GNG4: variants seen among roughly 807,000 people sequenced by gnomAD.
GNG4 encodes G protein subunit gamma 4.
In GNG4, 4 loss-of-function variants were observed where a neutral mutation model predicts 5.8. The ratio of observed to expected loss-of-function variants is 0.69; its 90% CI spans 0.34 to 1.57. The LOEUF (loss-of-function observed/expected upper bound fraction) is 1.57, where lower values mean the gene tolerates loss of function less well. Among genes scored for constraint, GNG4 ranks in the 40% most tolerant of loss-of-function variants. The probability of loss-of-function intolerance (pLI) is 0.06; values close to 1 mark genes in which losing one functional copy is unlikely to be tolerated. For synonymous variants in GNG4, 29 were observed against 32.9 expected (o/e 0.88, Z 0.41); for missense variants, 96 against 95.1 (o/e 1.01, Z -0.04).
At chr1:235,650,383 C>G (rs1055345667), upstream of GNG4, among the ~76,000 whole-genome samples, 12 of 151,300 alleles carry the variant, frequency 7.9e-5, no homozygotes, top group African/African-American at 2.9e-4. Context: ...GGTCTGGGGA[C>G]GGGGCCGCGG....
At chr1:235,635,970 T>A (rs4659975) in intron 1 of GNG4, among the ~76,000 whole-genome samples, 87,066 of 152,012 alleles carry the variant, frequency 0.57, 25,958 homozygotes, top group East Asian at 0.85. Flanking sequence ...GGCAGAAGAC[T>A]GAAGGTAACT....
At chr1:235,630,834 C>T (rs112304558) in intron 1 of GNG4, among the ~76,000 whole-genome samples, 4,313 of 152,214 alleles carry the variant, frequency 0.028, 207 homozygotes, top group African/African-American at 0.095. Flanking sequence ...CTAAACCCAA[C>T]TCAATGTCAA....
At chr1:235,555,977 C>T (rs963800199) in intron 3 of GNG4, among the ~76,000 whole-genome samples, 1 of 151,980 alleles carries the variant, frequency 6.6e-6, no homozygotes, top group African/African-American at 2.4e-5. Context: ...AAACAGTTTT[C>T]CTGCCTCAGC....
At chr1:235,606,097 A>G (rs972217354) in intron 1 of GNG4, among the ~76,000 whole-genome samples, 6 of 151,884 alleles carry the variant, frequency 4.0e-5, no homozygotes, top group African/African-American at 1.5e-4. Flanking sequence ...GGTCACTTCA[A>G]CCTAGTGTGG....
At chr1:235,565,156 C>T (rs532073853) in intron 3 of GNG4, among the ~76,000 whole-genome samples, 13 of 152,188 alleles carry the variant, frequency 8.5e-5, no homozygotes, top group African/African-American at 2.6e-4. Flanking sequence ...ATGGTGCTGG[C>T]AAGAATCCTG....
chr1:235,585,392 G>A (rs1191034260), intron 2 of GNG4, among the ~76,000 whole-genome samples: 2 of 152,074 alleles, frequency 1.3e-5, no homozygotes, highest in East Asian at 1.9e-4. Flanking sequence ...GGTGTGTGCC[G>A]CCATGCCTGG....
chr1:235,570,162 G>A (rs935930954), intron 3 of GNG4, among the ~76,000 whole-genome samples: 1 of 152,200 alleles, frequency 6.6e-6, no homozygotes, highest in South Asian at 2.1e-4. Context: ...ATACAAATGT[G>A]AGAATGCTCT....
At position 235,603,564 on chromosome 1, in the gene GNG4, C is replaced by T. The variant is rs112152054; in HGVS notation, c.-122-8053G>A. 2.6e-3 allele frequency among the ~76,000 whole-genome samples: 392 copies of T among 152,168 alleles called. 1 individual carries two copies. Among genetic ancestry groups the T allele is most frequent in the African/African-American group, 9.0e-3 (373 of 41,534 alleles). ...GCAGGGGGATGACTCTTCCCCACTC[C>T]GACTTCAACCACTTTGCAAATTAAG... On this transcript the variant is annotated intron_variant, in intron 1 of 3. Transcript: ENST00000391854.
At chr1:235,638,095 T>C (rs1657184204) in intron 1 of GNG4, among the ~76,000 whole-genome samples, 1 of 152,238 alleles carries the variant, frequency 6.6e-6, no homozygotes, top group Admixed American at 6.5e-5. Flanking sequence ...CCCCAGCTGC[T>C]GGACTGCTGT....
intron 1 of GNG4, among the ~76,000 whole-genome samples, chr1:235,636,275 T>C (rs895190007): frequency 2.6e-5 from 4 of 152,228 alleles, no homozygotes; most frequent in African/African-American, 9.6e-5. Context: ...TGCTTTTTAC[T>C]TCCAAAGCGG....
intron 1 of GNG4, among the ~76,000 whole-genome samples, chr1:235,621,060 C>T (rs11800419): frequency 0.051 from 7,795 of 152,000 alleles, 401 homozygotes; most frequent in African/African-American, 0.14. Context: ...CCTGTCCTTG[C>T]TCCTACAGGT....
chr1:235,597,624 G>A (rs1156720177), intron 1 of GNG4, among the ~76,000 whole-genome samples: 32 of 91,042 alleles, frequency 3.5e-4, no homozygotes, highest in Non-Finnish European at 4.2e-4. Flanking sequence ...GTGTGTGTGT[G>A]TGTGTATTTT....
At chr1:235,628,646 G>A (rs1391476581) in intron 1 of GNG4, among the ~76,000 whole-genome samples, 1 of 152,152 alleles carries the variant, frequency 6.6e-6, no homozygotes, top group Non-Finnish European at 1.5e-5. Context: ...ACCCAAGCAG[G>A]CCAAACAGGC....
At chr1:235,612,511 A>G (rs1043265299) in intron 1 of GNG4, among the ~76,000 whole-genome samples, 2 of 152,088 alleles carry the variant, frequency 1.3e-5, no homozygotes, top group African/African-American at 4.8e-5. Flanking sequence ...GGGCTGCTAT[A>G]ACAAAATACC....
Position 235,549,691 on chromosome 1 carries a change from G to C in GNG4, c.*2418C>G, listed in dbSNP as rs1402844299. On this transcript the variant is annotated 3_prime_UTR_variant, in exon 4 of 4. Coordinates refer to ENST00000391854, the MANE Select transcript of GNG4 (RefSeq NM_001098722.2). ...ATTAGTGAGCTGATAATGAAACTAA[G>C]AATGAGTTTTAACAAAAGAAGCAAG... is the stretch of plus-strand genomic sequence containing the variant. The C allele has an allele frequency of 6.6e-6, 1 of 152,170 alleles. No homozygotes were observed. The highest frequency in any genetic ancestry group is 1.5e-5 in the Non-Finnish European group (1 of 68,026). The allele number at this position is 152,170 out of a possible 1,614,324, so 9.4% of individuals were successfully genotyped here. A position where few individuals can be genotyped will look rare whatever the true frequency, so the allele number is the denominator to read the frequency against.
intron 1 of GNG4, among the ~76,000 whole-genome samples, chr1:235,643,414 CTG>C (rs1233761924): frequency 1.3e-5 from 2 of 152,232 alleles, no homozygotes; most frequent in Non-Finnish European, 2.9e-5. Context: ...CTCTCCCTGT[CTG>C]TGCACTAATC....
intron 2 of GNG4, among the ~76,000 whole-genome samples, chr1:235,584,850 G>A (rs1412349744): frequency 1.3e-5 from 2 of 152,154 alleles, no homozygotes; most frequent in Non-Finnish European, 2.9e-5. Context: ...TCTATTATTC[G>A]TCTGCTTCTG....
chr1:235,618,679 A>C (rs1688648239), intron 1 of GNG4, among the ~76,000 whole-genome samples: 1 of 149,414 alleles, frequency 6.7e-6, no homozygotes, highest in African/African-American at 2.5e-5. Context: ...TTTTTGAGAC[A>C]GAGTCTCACT....
intron 3 of GNG4, chr1:235,566,072 A>C (rs1687186188): frequency 6.6e-6 from 1 of 152,270 alleles, no homozygotes; most frequent in Non-Finnish European, 1.5e-5. Context: ...TGACCCAGAA[A>C]CTATAACTTG....
Sources: gnomAD v4.1 joint callset for allele counts (sites outside exome capture counted in the v4.1 genomes callset) on GRCh38, gnomAD v4.1.1 for gene constraint, MANE v1.5 for transcripts, NCBI Gene and HGNC (gene_info 2026-07-23, HGNC 2026-07-21) for gene names.